The following PARD3 variants were observed in gnomAD, a reference collection of about 807,000 sequenced individuals.
The protein encoded by PARD3 is partitioning defective 3 homolog.
In PARD3, 75 loss-of-function variants were observed where a neutral mutation model predicts 155.4. The ratio of observed to expected loss-of-function variants is 0.48; its 90% CI spans 0.40 to 0.58. PARD3 has a LOEUF of 0.58. PARD3 is among the 20% of genes least tolerant of loss of function. PARD3 has a pLI of 0.00. For missense variants in PARD3, 1,642 were observed against 1,721.7 expected, an observed-to-expected ratio of 0.95 and a Z score of 0.82; for synonymous variants, 576 against 610.5, an observed-to-expected ratio of 0.94 and a Z score of 0.83.
At chr10:34,264,682 C>T (rs955064778) in intron 22 of PARD3, among the ~76,000 whole-genome samples, 1 of 152,010 alleles carries the variant, frequency 6.6e-6, no homozygotes, top group Non-Finnish European at 1.5e-5. Context: ...ACATGGTCAC[C>T]TCTTAATGCA....
chr10:34,215,653 A>T (rs1386555544), intron 22 of PARD3, among the ~76,000 whole-genome samples: 2 of 152,256 alleles, frequency 1.3e-5, no homozygotes, highest in Non-Finnish European at 2.9e-5. Flanking sequence ...TCAGAAGTAC[A>T]TAAACATAGG....
chr10:34,194,880 C>T (rs142413560), intron 22 of PARD3, among the ~76,000 whole-genome samples: 8 of 152,248 alleles, frequency 5.3e-5, no homozygotes, highest in African/African-American at 1.9e-4. Flanking sequence ...GAGGTGATTA[C>T]ATGTATTAGC....
At chr10:34,582,043 ACCAAAGAATT>A (rs1261270908) in intron 2 of PARD3, among the ~76,000 whole-genome samples, 2 of 152,248 alleles carry the variant, frequency 1.3e-5, no homozygotes, top group African/African-American at 2.4e-5. Context: ...TACGCCAAGA[ACCAAAGAATT>A]CCCCGGCAGA....
At chr10:34,746,285 TAA>T (rs900142566) in intron 1 of PARD3, among the ~76,000 whole-genome samples, 1 of 134,980 alleles carries the variant, frequency 7.4e-6, no homozygotes. Context: ...TCTACAAAAT[TAA>T]AAAAAAAAAA....
intron 2 of PARD3, among the ~76,000 whole-genome samples, chr10:34,616,442 C>A (rs1158428245): frequency 6.6e-6 from 1 of 152,196 alleles, no homozygotes; most frequent in Non-Finnish European, 1.5e-5. Flanking sequence ...ATGTTCACTG[C>A]GGCCTTATTC....
At chr10:34,779,144 C>G (rs998559647) in intron 1 of PARD3, among the ~76,000 whole-genome samples, 2 of 151,872 alleles carry the variant, frequency 1.3e-5, no homozygotes, top group African/African-American at 4.8e-5. Flanking sequence ...AACCCTGTCT[C>G]TACTAAAAAT....
rs1590177024 is a variant in PARD3, at chr10:34,600,935, G to A, written c.223-83776C>T. ...CCCAAGCAGCTGAGACCACAAGCAC[G>A]TGCCACCATGCCCGCCCATTTTTTT... On this transcript the variant is annotated intron_variant, in intron 2 of 24. Coordinates refer to ENST00000374788, the MANE Select transcript of PARD3 (RefSeq NM_001184785.2). Among the ~76,000 whole-genome samples, 4 of 148,924 alleles carry A rather than the reference G, an allele frequency of 2.7e-5. No homozygotes were observed. The South Asian group carries it at 6.3e-4, about 24-fold the overall frequency.
intron 11 of PARD3, among the ~76,000 whole-genome samples, 168 bp downstream of exon 11, chr10:34,374,705 TA>T (rs1004651411): frequency 6.6e-6 from 1 of 152,312 alleles, no homozygotes; most frequent in African/African-American, 2.4e-5. Context: ...TTTCTGAAAC[TA>T]AGGGAGTATT....
At chr10:34,197,606 G>A (rs1329109947) in intron 22 of PARD3, among the ~76,000 whole-genome samples, 1 of 152,186 alleles carries the variant, frequency 6.6e-6, no homozygotes, top group Non-Finnish European at 1.5e-5. Flanking sequence ...TGCTGCGTGA[G>A]CTAATAAATT....
chr10:34,675,861 A>C (rs1417366763), intron 2 of PARD3: 1 of 201,364 alleles, frequency 5.0e-6, no homozygotes, highest in African/African-American at 2.3e-5. Context: ...ACACACACAC[A>C]CACGCGCTCA....
At chr10:34,630,786 G>A (rs956278828) in intron 2 of PARD3, among the ~76,000 whole-genome samples, 1 of 150,144 alleles carries the variant, frequency 6.7e-6, no homozygotes, top group Non-Finnish European at 1.5e-5. Flanking sequence ...AACACACATA[G>A]TGATTTCTGT....
At chr10:34,332,330 C>T (rs1023359268) in intron 18 of PARD3, among the ~76,000 whole-genome samples, 2 of 152,036 alleles carry the variant, frequency 1.3e-5, no homozygotes, top group African/African-American at 2.4e-5. Context: ...ATTTAGCTTC[C>T]GGATGACTGA....
intron 2 of PARD3, among the ~76,000 whole-genome samples, chr10:34,641,178 C>T (rs957969834): frequency 2.0e-5 from 3 of 152,118 alleles, no homozygotes; most frequent in Non-Finnish European, 4.4e-5. Flanking sequence ...GACCTCCTTA[C>T]CACGAACACA....
At chr10:34,800,746 T>C (rs1223600764) in intron 1 of PARD3, among the ~76,000 whole-genome samples, 3 of 152,332 alleles carry the variant, frequency 2.0e-5, no homozygotes, top group Admixed American at 6.5e-5. Context: ...GGTTTCACTG[T>C]TGTTAAAACG....
At position 34,555,176 on chromosome 10, in the gene PARD3, G is replaced by A. The variant is rs1394123942; in HGVS notation, c.223-38017C>T. On this transcript the variant is annotated intron_variant, in intron 2 of 24. Transcript: ENST00000374788. ...CTGTAACAAATGTTCCACTGTGGTG[G>A]GGGATGTTGTTAATGAGGAGGCTAT... Among the ~76,000 whole-genome samples, 6 of 152,284 alleles carry A rather than the reference G, an allele frequency of 3.9e-5. No homozygotes were observed. In the South Asian group the frequency reaches 1.0e-3, roughly 26 times the overall value.
chr10:34,357,301 T>C (rs1311037914), intron 14 of PARD3, among the ~76,000 whole-genome samples: 1 of 152,176 alleles, frequency 6.6e-6, no homozygotes, highest in Admixed American at 6.5e-5. Context: ...AAAATTTTAA[T>C]TGGTCTCTAA....
Position 34,560,384 on chromosome 10 carries a change from A to C in PARD3, c.223-43225T>G, listed in dbSNP as rs150644784. 5.1e-3 allele frequency among the ~76,000 whole-genome samples: 776 copies of C among 152,302 alleles called. 7 individuals carry two copies. Among genetic ancestry groups the C allele is most frequent in the African/African-American group, 0.018 (749 of 41,566 alleles). ...ATACCATAGATACTTGTCTAAGCAG[A>C]CATTTGTATATACATCAATTCTCAT... On this transcript the variant is annotated intron_variant, in intron 2 of 24. Transcript: ENST00000374788.
At chr10:34,813,579 G>A (rs1015710560) in intron 1 of PARD3, among the ~76,000 whole-genome samples, 2 of 152,024 alleles carry the variant, frequency 1.3e-5, no homozygotes, top group Non-Finnish European at 2.9e-5. Context: ...CCTTGTGTCG[G>A]GTCTCCAAAC....
At chr10:34,576,188 A>AAGAC (rs1010366022) in intron 2 of PARD3, among the ~76,000 whole-genome samples, 12 of 152,206 alleles carry the variant, frequency 7.9e-5, no homozygotes, top group Non-Finnish European at 1.6e-4. Flanking sequence ...AGTATAACAA[A>AAGAC]AGACACTATG....
Sources: allele counts gnomAD v4.1 joint callset (sites outside exome capture counted in the v4.1 genomes callset), GRCh38; gene constraint gnomAD v4.1.1; transcripts MANE v1.5; gene names NCBI Gene and HGNC (gene_info 2026-07-23, HGNC 2026-07-21).